PITPNM3: variants seen among roughly 807,000 people sequenced by gnomAD.
The protein encoded by PITPNM3 is PITPNM family member 3, also known as membrane-associated phosphatidylinositol transfer protein 3.
A neutral mutation model predicts 102.0 loss-of-function variants in PITPNM3; 26 were observed. That is an observed-to-expected ratio of 0.25 (90% CI 0.19 to 0.35). The LOEUF is 0.35. PITPNM3 is among the 10% of genes least tolerant of loss of function. The pLI is 1.00. For missense variants in PITPNM3, 1,083 were observed against 1,346.1 expected (o/e 0.80, Z 3.06); for synonymous variants, 578 against 558.6 (o/e 1.03, Z -0.49).
At chr17:6,473,073 TC>T (rs1410674417) in intron 10 of PITPNM3, 3 of 566,776 alleles carry the variant, frequency 5.3e-6, no homozygotes, top group Non-Finnish European at 9.5e-6. Flanking sequence ...CTTGCAGCTT[TC>T]CTTTCTCTGA....
chr17:6,527,576 C>T (rs1031962022), intron 2 of PITPNM3, among the ~76,000 whole-genome samples: 12 of 152,194 alleles, frequency 7.9e-5, no homozygotes, highest in Non-Finnish European at 1.5e-4. Flanking sequence ...TGACATTCTA[C>T]CCCAGCTGTA....
intron 4 of PITPNM3, among the ~76,000 whole-genome samples, chr17:6,486,433 C>G (rs1459328626): frequency 6.6e-6 from 1 of 152,172 alleles, no homozygotes; most frequent in East Asian, 1.9e-4. Context: ...CTCACCATGA[C>G]CAGCCCCAGG....
intron 1 of PITPNM3, among the ~76,000 whole-genome samples, chr17:6,553,722 C>T (rs932993277): frequency 2.6e-5 from 4 of 152,144 alleles, no homozygotes; most frequent in African/African-American, 9.7e-5. Flanking sequence ...CCTTCAGCAG[C>T]CCTTTGTTCC....
chr17:6,552,450 A>T (rs758323161), intron 1 of PITPNM3, among the ~76,000 whole-genome samples: 1 of 152,152 alleles, frequency 6.6e-6, no homozygotes, highest in Non-Finnish European at 1.5e-5. Context: ...CAACAAAGGC[A>T]GCTCCACCAG....
intron 3 of PITPNM3, among the ~76,000 whole-genome samples, chr17:6,509,137 T>A (rs1907718939): frequency 6.6e-6 from 1 of 152,158 alleles, no homozygotes; most frequent in African/African-American, 2.4e-5. Context: ...GCCCCACCAA[T>A]CTTGCCTGTC....
In PITPNM3 at chr17:6,556,462, C is replaced by T; in HGVS notation, c.-56G>A. 8.8e-7 allele frequency: 1 copy of T among 1,133,910 alleles called. No individual in the cohort carries two copies. The allele number at this position is 1,133,910 out of a possible 1,614,324, so 70.2% of individuals were successfully genotyped here. A position where few individuals can be genotyped will look rare whatever the true frequency, so the allele number is the denominator to read the frequency against. On this transcript the variant is annotated 5_prime_UTR_variant, in exon 1 of 20. Transcript: ENST00000262483. The surrounding 1 kb of genome is among the most constrained non-coding windows in gnomAD (Gnocchi z 5.2). ...GCGCGCTCCTCGCGCTTCCCGGGCC[C>T]GGCCCCGACCGCCTCCGGCCCCGAA...
intron 1 of PITPNM3, among the ~76,000 whole-genome samples, chr17:6,551,127 G>A (rs1230981416): frequency 6.6e-6 from 1 of 151,962 alleles, no homozygotes; most frequent in African/African-American, 2.4e-5. Context: ...GGAGGCCAAG[G>A]CAGGCGGATC....
chr17:6,534,053 G>A (rs1407676930), intron 2 of PITPNM3, among the ~76,000 whole-genome samples: 4 of 152,174 alleles, frequency 2.6e-5, no homozygotes, highest in African/African-American at 9.7e-5. Flanking sequence ...AAACCTTGAG[G>A]AGCCTCCCAG....
intron 3 of PITPNM3, among the ~76,000 whole-genome samples, chr17:6,511,726 G>A (rs1290578208): frequency 6.6e-6 from 1 of 152,146 alleles, no homozygotes; most frequent in Non-Finnish European, 1.5e-5. Context: ...GCTCACGCCT[G>A]TAGTCCCAGC....
chr17:6,456,202 T>C (rs1914109737), intron 19 of PITPNM3, among the ~76,000 whole-genome samples: 1 of 152,088 alleles, frequency 6.6e-6, no homozygotes, highest in Non-Finnish European at 1.5e-5. Flanking sequence ...TTTTTAAATT[T>C]TTTGTAGAAA....
At chr17:6,477,578 C>G (rs1905386483) in intron 8 of PITPNM3, among the ~76,000 whole-genome samples, 2 of 152,174 alleles carry the variant, frequency 1.3e-5, no homozygotes, top group African/African-American at 4.8e-5. Flanking sequence ...CAGAGTCTCC[C>G]TCTGTCACAC....
chr17:6,483,391 G>T (rs546070731), intron 6 of PITPNM3, 126 bp downstream of exon 6: 3 of 933,664 alleles, frequency 3.2e-6, no homozygotes, highest in South Asian at 2.8e-5. Flanking sequence ...GTTTCGTCAC[G>T]ATCTGACACC....
At chr17:6,465,797 C>A (rs562951966) in intron 14 of PITPNM3, among the ~76,000 whole-genome samples, 2 of 152,222 alleles carry the variant, frequency 1.3e-5, no homozygotes, top group Non-Finnish European at 2.9e-5. Flanking sequence ...CCAGCCCCCA[C>A]TCCCAGCCTG....
chr17:6,507,528 G>A (rs1907603200), intron 3 of PITPNM3, among the ~76,000 whole-genome samples: 1 of 152,098 alleles, frequency 6.6e-6, no homozygotes, highest in African/African-American at 2.4e-5. Flanking sequence ...GGGTAGCAGT[G>A]AGCCGAGATA....
In PITPNM3 at chr17:6,544,654, T is replaced by TCTCACACACACACA. The variant is rs376230474; in HGVS notation, c.23-6573_23-6572insTGTGTGTGTGTGAG. On this transcript the variant is annotated intron_variant, in intron 1 of 19. Transcript: ENST00000262483. ...CTCTCTCTCTCTCTCTCTCTCTCTC[T>TCTCACACACACACA]CACACACACACACACACACACACAA... Among the ~76,000 whole-genome samples the TCTCACACACACACA allele has an allele frequency of 4.9e-3, 633 of 130,260 alleles. 7 individuals are homozygous for TCTCACACACACACA. Among genetic ancestry groups the TCTCACACACACACA allele is most frequent in the African/African-American group, 0.018 (585 of 32,512 alleles). The allele number at this position is 130,260 out of a possible 152,430, so 85.5% of individuals were successfully genotyped here.
At chr17:6,508,416 G>C (rs1907672479) in intron 3 of PITPNM3, among the ~76,000 whole-genome samples, 1 of 152,182 alleles carries the variant, frequency 6.6e-6, no homozygotes, top group Admixed American at 6.5e-5. Flanking sequence ...TTGAGATCTG[G>C]TCCCTTGGAC....
chr17:6,531,116 T>C (rs978301929), intron 2 of PITPNM3, among the ~76,000 whole-genome samples: 10 of 152,260 alleles, frequency 6.6e-5, no homozygotes, highest in African/African-American at 2.4e-4. Flanking sequence ...CTGGTACAAA[T>C]AATTGGATAT....
At chr17:6,533,050 C>T (rs1909227076) in intron 2 of PITPNM3, among the ~76,000 whole-genome samples, 1 of 152,164 alleles carries the variant, frequency 6.6e-6, no homozygotes, top group South Asian at 2.1e-4. Context: ...GCCACCTCTG[C>T]CTCCCAGGTT....
rs200809389 is a variant in PITPNM3, at chr17:6,538,043, C to A, written c.62G>T (p.Arg21Leu). Residue 21 changes from arginine (R) to leucine (L), a missense_variant, in exon 2 of 20, where the codon CGA (arginine) becomes CTA (leucine). Coordinates refer to ENST00000262483, the MANE Select transcript of PITPNM3 (RefSeq NM_031220.4). ...PPGGGAPWHL[R>L]NVLSDSVESS... ...CTCCACAGAGTCACTGAGGACATTT[C>A]GAAGGTGCCAGGGGGCACCGCCGCC... 1 of 1,613,934 alleles carries A rather than the reference C, an allele frequency of 6.2e-7. No individual in the cohort carries two copies. Among genetic ancestry groups the A allele is most frequent in the Non-Finnish European group, 8.5e-7 (1 of 1,179,898 alleles).
Sources: allele counts gnomAD v4.1 joint callset (sites outside exome capture counted in the v4.1 genomes callset), GRCh38; gene constraint gnomAD v4.1.1; non-coding constraint Gnocchi (gnomAD v3.1); transcripts MANE v1.5; gene names NCBI Gene and HGNC (gene_info 2026-07-23, HGNC 2026-07-21).